The following TNIK variants were observed in gnomAD, a reference collection of about 807,000 sequenced individuals.
The protein encoded by TNIK is TRAF2 and NCK-interacting protein kinase.
A neutral mutation model predicts 191.3 loss-of-function variants in TNIK; 49 were observed. The observed-to-expected ratio is 0.26, with a 90% CI of 0.20 to 0.32. The LOEUF (loss-of-function observed/expected upper bound fraction) is 0.32. TNIK is among the 10% of genes least tolerant of loss of function. The pLI is 1.00. For synonymous variants in TNIK, 594 were observed against 600.9 expected, an observed-to-expected ratio of 0.99 and a Z score of 0.17; for missense variants, 1,155 against 1,702.3, an observed-to-expected ratio of 0.68 and a Z score of 5.66.
intron 2 of TNIK, among the ~76,000 whole-genome samples, chr3:171,318,694 A>G (rs1282067768): frequency 1.3e-5 from 2 of 152,164 alleles, no homozygotes; most frequent in Non-Finnish European, 2.9e-5. Flanking sequence ...TAATTGAAAA[A>G]AAGCAACTTT....
intron 1 of TNIK, among the ~76,000 whole-genome samples, chr3:171,398,368 C>T (rs145727505): frequency 2.6e-5 from 4 of 152,248 alleles, no homozygotes; most frequent in South Asian, 2.1e-4. Context: ...ATACATGTTA[C>T]GAAATTGTTG....
chr3:171,213,026 G>A (rs2108920228), intron 3 of TNIK, among the ~76,000 whole-genome samples: 1 of 152,238 alleles, frequency 6.6e-6, no homozygotes, highest in South Asian at 2.1e-4. Flanking sequence ...GGCCGAAACA[G>A]TGGGGAAGGG....
rs1170880101 is a variant in TNIK at position 171,157,556 on chromosome 3, C to T, written c.1125G>A (p.Gln375=). 1 of 1,561,250 alleles carries T rather than the reference C, an allele frequency of 6.4e-7. No individual in the cohort carries two copies. The highest frequency in any genetic ancestry group is 1.2e-5 in the South Asian group (1 of 84,450). ...SEALRRQQLE[Q]QQRENEEHKR... ...TGTGCTCCTCATTCTCCCGCTGCTGCTGCTCCAGCTGCTGCCTCCGTAGGG... is the reference window on the plus strand; with the variant it reads ...TGTGCTCCTCATTCTCCCGCTGCTGTTGCTCCAGCTGCTGCCTCCGTAGGG... The change falls in exon 12 of 33, where the codon CAG becomes CAA. Residue 375 remains glutamine (Q), a synonymous_variant. Coordinates refer to ENST00000436636, the MANE Select transcript of TNIK (RefSeq NM_015028.4).
At chr3:171,132,202 A>G (rs890271435) in intron 15 of TNIK, among the ~76,000 whole-genome samples, 3 of 152,216 alleles carry the variant, frequency 2.0e-5, no homozygotes, top group Admixed American at 2.0e-4. Flanking sequence ...AACAAAAGAT[A>G]CCTGTTATAA....
chr3:171,226,601 G>C (rs530974862), intron 3 of TNIK, among the ~76,000 whole-genome samples: 1 of 152,032 alleles, frequency 6.6e-6, no homozygotes, highest in Non-Finnish European at 1.5e-5. Flanking sequence ...TTCAGTAAAG[G>C]CCAGGTGAAT....
At chr3:171,253,104 G>A (rs190188420) in intron 2 of TNIK, among the ~76,000 whole-genome samples, 4 of 150,194 alleles carry the variant, frequency 2.7e-5, no homozygotes, top group South Asian at 4.2e-4. Context: ...GTGAAACCTC[G>A]TCTTTACTAA....
chr3:171,400,102 G>A (rs974607833), intron 1 of TNIK, among the ~76,000 whole-genome samples: 2 of 152,162 alleles, frequency 1.3e-5, no homozygotes, highest in Non-Finnish European at 2.9e-5. Flanking sequence ...GTGGACCCGG[G>A]ACCTGATGGG....
intron 2 of TNIK, among the ~76,000 whole-genome samples, chr3:171,328,400 C>A (rs983130936): frequency 1.3e-5 from 2 of 152,194 alleles, no homozygotes; most frequent in African/African-American, 2.4e-5. Context: ...ACTGCAGATT[C>A]GCCTGCGTGG....
At chr3:171,157,742 C>T (rs555039412) in intron 11 of TNIK, 78 bp from the exon 12 acceptor site, 159 of 1,418,370 alleles carry the variant, frequency 1.1e-4, no homozygotes, top group Middle Eastern at 1.8e-4. Context: ...AGGAGGAAAG[C>T]GGGACAAATG....
intron 1 of TNIK, among the ~76,000 whole-genome samples, chr3:171,399,500 G>A (rs1047625454): frequency 5.3e-5 from 8 of 152,084 alleles, no homozygotes; most frequent in Non-Finnish European, 1.0e-4. Context: ...ATTAAATGTA[G>A]CATTATTTAT....
intron 2 of TNIK, among the ~76,000 whole-genome samples, chr3:171,284,232 GA>G (rs1216415864): frequency 6.6e-6 from 1 of 152,100 alleles, no homozygotes; most frequent in Non-Finnish European, 1.5e-5. Flanking sequence ...ACAATTTCAT[GA>G]AAAAATAGCT....
At chr3:171,174,378 G>A (rs1460166477) in intron 9 of TNIK, among the ~76,000 whole-genome samples, 1 of 152,130 alleles carries the variant, frequency 6.6e-6, no homozygotes, top group African/African-American at 2.4e-5. Flanking sequence ...AAAAAGGATA[G>A]GAGGTCACAA....
At chr3:171,098,078 C>G (rs1722971426) in intron 22 of TNIK, among the ~76,000 whole-genome samples, 1 of 151,878 alleles carries the variant, frequency 6.6e-6, no homozygotes, top group Non-Finnish European at 1.5e-5. Flanking sequence ...CCCCACTCCT[C>G]AAGTGTGGGC....
At chr3:171,312,619 T>C (rs1287057111) in intron 2 of TNIK, among the ~76,000 whole-genome samples, 3 of 152,158 alleles carry the variant, frequency 2.0e-5, no homozygotes, top group African/African-American at 4.8e-5. Context: ...TTCTTTTAGC[T>C]GGGGTCTCTT....
chr3:171,297,055 TATG>T (rs1752368466), intron 2 of TNIK, among the ~76,000 whole-genome samples: 1 of 152,154 alleles, frequency 6.6e-6, no homozygotes, highest in South Asian at 2.1e-4. Flanking sequence ...CCTTGCCTCT[TATG>T]ATAAGGCCAG....
chr3:171,115,345 G>A (rs1576862969), intron 18 of TNIK, among the ~76,000 whole-genome samples: 1 of 152,204 alleles, frequency 6.6e-6, no homozygotes, highest in African/African-American at 2.4e-5. Flanking sequence ...TACCGGACCA[G>A]GATTAGGGAT....
rs1476038762 is a variant in TNIK, at chr3:171,128,687, G to A, written c.1773+27C>T. ...GTTTTCTTGTGCAACTTATTGGAAT[G>A]CCTGATGGAATGGAGGCAGACTGTA... On this transcript the variant is annotated intron_variant, in intron 16 of 32. Coordinates refer to ENST00000436636, the MANE Select transcript of TNIK (RefSeq NM_015028.4). 4 of 1,589,430 alleles carry A rather than the reference G, an allele frequency of 2.5e-6. No individual in the cohort carries two copies. The African/African-American group carries it at 4.0e-5, about 16-fold the overall frequency.
intron 2 of TNIK, among the ~76,000 whole-genome samples, chr3:171,368,392 C>T (rs1194799655): frequency 6.6e-6 from 1 of 152,218 alleles, no homozygotes; most frequent in Non-Finnish European, 1.5e-5. Flanking sequence ...AATGCAGTAA[C>T]ACAATCTTCC....
In TNIK at chr3:171,087,461, A is replaced by G; in HGVS notation, c.2767T>C (p.Phe923Leu). ...KRSGHSDSNG[F>L]AGHINLPDLV... Reference sequence around the variant, plus strand: ...TCAGGGAGGTTGATGTGGCCAGCAAAGCCATTGCTGTCACTGTGGCCAGAT... The same window carrying G: ...TCAGGGAGGTTGATGTGGCCAGCAAGGCCATTGCTGTCACTGTGGCCAGAT... The change falls in exon 24 of 33, where the codon TTT (phenylalanine) becomes CTT (leucine). Residue 923 changes from phenylalanine to leucine, a missense_variant. Transcript: ENST00000436636. The G allele has an allele frequency of 1.9e-6, 3 of 1,613,886 alleles. No homozygotes were observed. Among genetic ancestry groups the G allele is most frequent in the Non-Finnish European group, 2.5e-6 (3 of 1,179,848 alleles).
Sources: gnomAD v4.1 joint callset for allele counts (sites outside exome capture counted in the v4.1 genomes callset) on GRCh38, gnomAD v4.1.1 for gene constraint, MANE v1.5 for transcripts, NCBI Gene and HGNC (gene_info 2026-07-23, HGNC 2026-07-21) for gene names.